The following RAI14 variants were observed in gnomAD, a reference collection of about 807,000 sequenced individuals.
The protein encoded by RAI14 is retinoic acid induced 14.
In RAI14, 45 loss-of-function variants were observed where a neutral mutation model predicts 115.4. The observed-to-expected ratio is 0.39, with a 90% CI of 0.31 to 0.50. The LOEUF (loss-of-function observed/expected upper bound fraction) is 0.50. Among genes scored for constraint, RAI14 ranks in the 20% least tolerant of loss-of-function variants. RAI14 has a pLI of 0.85. For synonymous variants in RAI14, 371 were observed against 415.4 expected (o/e 0.89, Z 1.30); for missense variants, 939 against 1,131.2 (o/e 0.83, Z 2.44).
intron 2 of RAI14, among the ~76,000 whole-genome samples, chr5:34,721,099 C>T (rs1215195581): frequency 1.3e-5 from 2 of 151,430 alleles, no homozygotes; most frequent in Non-Finnish European, 2.9e-5. Flanking sequence ...CTTATATTTC[C>T]CCTTCTTCCT....
At chr5:34,665,009 A>ATATATGTGTATATATATATGTG (rs1561220443) in intron 1 of RAI14, among the ~76,000 whole-genome samples, 1,508 of 73,910 alleles carry the variant, frequency 0.02, 573 homozygotes, top group Non-Finnish European at 0.031. Flanking sequence ...ATGTGTATAT[A>ATATATGTGTATATATATATGTG]TATATATATG....
intron 2 of RAI14, chr5:34,688,277 C>G (rs918975327): frequency 3.9e-6 from 6 of 1,525,894 alleles, no homozygotes; most frequent in Admixed American, 3.9e-5. Context: ...TTGCCCAATT[C>G]AGCAGATAGG....
intron 1 of RAI14, among the ~76,000 whole-genome samples, chr5:34,657,909 A>G (rs577295536): frequency 1.3e-5 from 2 of 152,136 alleles, no homozygotes; most frequent in African/African-American, 2.4e-5. Flanking sequence ...TTTATTACTG[A>G]TGTATATAAT....
chr5:34,768,257 C>T (rs1398846398), intron 3 of RAI14, among the ~76,000 whole-genome samples: 2 of 151,920 alleles, frequency 1.3e-5, no homozygotes, highest in Admixed American at 1.3e-4. Context: ...TCCATGAGCA[C>T]CTAGCCCAGT....
At chr5:34,814,965 G>A (rs952770428) in intron 12 of RAI14, among the ~76,000 whole-genome samples, 1 of 152,092 alleles carries the variant, frequency 6.6e-6, no homozygotes, top group Non-Finnish European at 1.5e-5. Context: ...GAGACAAGAG[G>A]GCTGGGTGCA....
intron 2 of RAI14, among the ~76,000 whole-genome samples, chr5:34,723,089 G>C (rs771928136): frequency 1.6e-5 from 2 of 123,782 alleles, no homozygotes; most frequent in Non-Finnish European, 3.2e-5. Context: ...GACAGAGTGA[G>C]ACCCTGTCTC....
intron 3 of RAI14, among the ~76,000 whole-genome samples, chr5:34,762,149 G>T (rs1748733893): frequency 6.6e-6 from 1 of 152,200 alleles, no homozygotes; most frequent in South Asian, 2.1e-4. Context: ...TTCTTGTGGA[G>T]AAAACATTCT....
intron 3 of RAI14, among the ~76,000 whole-genome samples, chr5:34,787,752 A>G (rs1202678245): frequency 6.6e-6 from 1 of 152,084 alleles, no homozygotes; most frequent in Non-Finnish European, 1.5e-5. Flanking sequence ...TGGTTTGTGG[A>G]TTATAACTCA....
rs183495592 is a variant in RAI14 at position 34,790,922 on chromosome 5, C to T, written c.168-5017C>T. 1.2e-3 allele frequency among the ~76,000 whole-genome samples: 182 copies of T among 152,058 alleles called. 1 individual carries two copies. Among genetic ancestry groups the T allele is most frequent in the Non-Finnish European group, 2.6e-4 (18 of 67,998 alleles). On this transcript the variant is annotated intron_variant, in intron 3 of 17. Transcript: ENST00000265109. ...TAGACCACAATTCTAGCATATACTTCAATGAGTAATATGTCAGTGACTCTG... is the reference window on the plus strand; with the variant it reads ...TAGACCACAATTCTAGCATATACTTTAATGAGTAATATGTCAGTGACTCTG...
chr5:34,727,821 G>A (rs1743662694), intron 2 of RAI14, among the ~76,000 whole-genome samples: 1 of 152,188 alleles, frequency 6.6e-6, no homozygotes, highest in South Asian at 2.1e-4. Context: ...TTGCATGGGG[G>A]TGGGGCTCTC....
At chr5:34,677,186 A>G (rs1411108990) in intron 1 of RAI14, among the ~76,000 whole-genome samples, 1 of 60,760 alleles carries the variant, frequency 1.6e-5, no homozygotes, top group Non-Finnish European at 3.0e-5. Context: ...TTTTTTTGAG[A>G]CACAGTTTCA....
At chr5:34,794,170 C>T (rs772098347) in intron 3 of RAI14, among the ~76,000 whole-genome samples, 4 of 152,176 alleles carry the variant, frequency 2.6e-5, no homozygotes, top group Admixed American at 6.5e-5. Flanking sequence ...TGCCTGTAAT[C>T]GCAGCACTTT....
chr5:34,688,781 A>C (rs945631746), intron 2 of RAI14, among the ~76,000 whole-genome samples: 1 of 151,806 alleles, frequency 6.6e-6, no homozygotes, highest in African/African-American at 2.4e-5. Flanking sequence ...GACAACAACA[A>C]CAAAAACATT....
At chr5:34,738,358 A>G (rs1349597338) in intron 2 of RAI14, among the ~76,000 whole-genome samples, 1 of 152,230 alleles carries the variant, frequency 6.6e-6, no homozygotes, top group African/African-American at 2.4e-5. Flanking sequence ...TGCTATTTCT[A>G]CACTTTGCTA....
At chr5:34,821,454 T>A (rs1169724371) in intron 13 of RAI14, among the ~76,000 whole-genome samples, 1 of 151,856 alleles carries the variant, frequency 6.6e-6, no homozygotes, top group African/African-American at 2.4e-5. Flanking sequence ...ATATGACACT[T>A]AAGCAAATGA....
intron 3 of RAI14, among the ~76,000 whole-genome samples, chr5:34,790,595 GAGTT>G (rs1227294912): frequency 1.2e-4 from 18 of 151,992 alleles, no homozygotes; most frequent in Admixed American, 6.6e-4. Context: ...ATATTTTAAA[GAGTT>G]AGAGCAAGCA....
At position 34,812,223 on chromosome 5, in the gene RAI14, G is replaced by A. The variant is rs752748173; in HGVS notation, c.765+15G>A. On this transcript the variant is annotated intron_variant, in intron 10 of 17. Coordinates refer to ENST00000265109, the MANE Select transcript of RAI14 (RefSeq NM_015577.3). ...AACCAAAGCAGGTATTTATCTTTGG[G>A]GGAGGCTTCTATGTTTCATTTATGC... 1.3e-6 allele frequency: 2 copies of A among 1,573,316 alleles called. No homozygotes were observed. The highest frequency in any genetic ancestry group is 1.7e-6 in the Non-Finnish European group (2 of 1,150,218).
intron 2 of RAI14, among the ~76,000 whole-genome samples, chr5:34,738,736 T>C (rs1745157195): frequency 6.6e-6 from 1 of 152,196 alleles, no homozygotes. Context: ...TTCAAATTTG[T>C]CCCCTCTGAC....
intron 3 of RAI14, among the ~76,000 whole-genome samples, chr5:34,767,962 T>C (rs1749638366): frequency 6.6e-6 from 1 of 150,406 alleles, no homozygotes; most frequent in Non-Finnish European, 1.5e-5. Context: ...GAGTCCCTAC[T>C]GGGGCACCAC....
Sources: gnomAD v4.1 joint callset for allele counts (sites outside exome capture counted in the v4.1 genomes callset) on GRCh38, gnomAD v4.1.1 for gene constraint, MANE v1.5 for transcripts, NCBI Gene and HGNC (gene_info 2026-07-23, HGNC 2026-07-21) for gene names.